The following BEST3 variants were observed in gnomAD, a reference collection of about 807,000 sequenced individuals.
BEST3 encodes bestrophin 3.
In BEST3, 50 loss-of-function variants were observed where a neutral mutation model predicts 47.1. The observed-to-expected ratio is 1.06, with a 90% confidence interval of 0.85 to 1.34. The LOEUF (loss-of-function observed/expected upper bound fraction) is 1.34, where lower values mean the gene tolerates loss of function less well. Among genes scored for constraint, BEST3 ranks in the 40% most tolerant of loss-of-function variants. BEST3 has a pLI of 0.00. For missense variants in BEST3, 765 were observed against 817.0 expected, an observed-to-expected ratio of 0.94 and a Z score of 0.78; for synonymous variants, 282 against 298.8, an observed-to-expected ratio of 0.94 and a Z score of 0.58.
chr12:69,663,057 T>C (rs1883965663), intron 9 of BEST3, among the ~76,000 whole-genome samples: 1 of 152,234 alleles, frequency 6.6e-6, no homozygotes, highest in African/African-American at 2.4e-5. Context: ...CTGTTGGGTG[T>C]TTTGATTTTC....
At chr12:69,693,238 T>C (rs1439030603) in intron 4 of BEST3, among the ~76,000 whole-genome samples, 5 of 143,986 alleles carry the variant, frequency 3.5e-5, no homozygotes, top group Non-Finnish European at 7.5e-5. Flanking sequence ...TCTTTCTCTC[T>C]CTCTCTCTTT....
rs372482477 is a variant in BEST3, at chr12:69,686,185, G to GAAAAAAA, written c.482-7299_482-7293dup. Among the ~76,000 whole-genome samples the GAAAAAAA allele has an allele frequency of 5.1e-5, 6 of 117,794 alleles. 1 individual carries two copies. The highest frequency in any genetic ancestry group is 6.2e-5 in the African/African-American group (2 of 32,062). The allele number at this position is 117,794 out of a possible 152,430, so 77.3% of individuals were successfully genotyped here. A position where few individuals can be genotyped will look rare whatever the true frequency, so the allele number is the denominator to read the frequency against. The stretch of plus-strand genomic sequence containing the variant: ...ACCCCAGAGCTGTGTAATGGATCAG[G>GAAAAAAA]AAAAAAAAAAAAACAAACAGCCCAC... On this transcript the variant is annotated intron_variant, in intron 4 of 9. Coordinates refer to ENST00000330891, the MANE Select transcript of BEST3 (RefSeq NM_032735.3).
chr12:69,656,457 C>T (rs1335311642), intron 9 of BEST3, among the ~76,000 whole-genome samples: 1 of 151,592 alleles, frequency 6.6e-6, no homozygotes, highest in East Asian at 1.9e-4. Context: ...CCAAGTTTCC[C>T]AAGGACCCAT....
In BEST3 at chr12:69,676,910, G is replaced by A. The variant is rs768866074; in HGVS notation, c.867+6C>T. 3.1e-6 allele frequency: 5 copies of A among 1,612,926 alleles called. No homozygotes were observed. In the African/African-American group the frequency reaches 5.3e-5, roughly 17 times the overall value. On this transcript the variant is annotated splice_donor_region_variant and intron_variant, in intron 7 of 9. Transcript: ENST00000330891. Reference sequence around the variant, plus strand: ...TACAAAGTGGGGCCCTGAGACCACTGGCTACCTTAAGCCATCCTGCATAGA... The same window carrying A: ...TACAAAGTGGGGCCCTGAGACCACTAGCTACCTTAAGCCATCCTGCATAGA...
chr12:69,653,535 A>T, downstream of BEST3: 1 of 707,512 alleles, frequency 1.4e-6, no homozygotes, highest in Non-Finnish European at 1.7e-6. Context: ...TCTCGTCTTT[A>T]AAATGGAAAT....
At chr12:69,660,049 G>A (rs763111975) in intron 9 of BEST3, 4 of 152,164 alleles carry the variant, frequency 2.6e-5, no homozygotes, top group Non-Finnish European at 5.9e-5. Flanking sequence ...AGAGCTTGCA[G>A]AGCCAGGATT....
At chr12:69,674,922 A>AGTT (rs1285144464) in intron 7 of BEST3, among the ~76,000 whole-genome samples, 9 of 118,542 alleles carry the variant, frequency 7.6e-5, no homozygotes, top group Non-Finnish European at 1.2e-4. Context: ...TTGGAGACAG[A>AGTT]GTTTCGCTCT....
At chr12:69,676,611 A>G (rs373910158) in intron 7 of BEST3, among the ~76,000 whole-genome samples, 2 of 152,166 alleles carry the variant, frequency 1.3e-5, no homozygotes, top group Non-Finnish European at 2.9e-5. Flanking sequence ...TACAATATCA[A>G]TGCAAGTACA....
At chr12:69,670,267 C>A (rs1256082258) in intron 9 of BEST3, 3 of 582,990 alleles carry the variant, frequency 5.1e-6, no homozygotes, top group South Asian at 2.1e-5. Flanking sequence ...GGGATGAGCT[C>A]TCTGGCCTGG....
chr12:69,644,485 T>C lies in BEST3; in HGVS notation c.1101-698A>G, dbSNP rs186418453. Among the ~76,000 whole-genome samples, 116 of 152,288 alleles carry C rather than the reference T, an allele frequency of 7.6e-4. 1 individual carries two copies. In the East Asian group the frequency reaches 0.021, roughly 27 times the overall value. ...TTTTAGTGAGAGTTGTTTTAATAAG[T>C]TTTTGTATTAATTTTTTGGCACAGG... is the stretch of plus-strand genomic sequence containing the variant. On this transcript the variant is annotated intron_variant, in intron 9 of 9. Coordinates refer to the BEST3 transcript ENST00000331471.
At chr12:69,684,562 C>A in intron 4 of BEST3, 1 of 680,480 alleles carries the variant, frequency 1.5e-6, no homozygotes, top group Non-Finnish European at 2.8e-6. Flanking sequence ...ACTAAAAGCT[C>A]TGCATCTCAA....
chr12:69,674,656 G>A (rs1884790120), intron 7 of BEST3, among the ~76,000 whole-genome samples: 1 of 152,132 alleles, frequency 6.6e-6, no homozygotes, highest in African/African-American at 2.4e-5. Flanking sequence ...AGTCCTGCAT[G>A]TATTATCGTA....
chr12:69,666,031 T>C (rs1884192603), intron 9 of BEST3, among the ~76,000 whole-genome samples: 1 of 152,152 alleles, frequency 6.6e-6, no homozygotes, highest in Non-Finnish European at 1.5e-5. Flanking sequence ...AACTTCTTTT[T>C]TTTTCTGAGA....
At chr12:69,697,911 T>C in intron 1 of BEST3, 98 bp from the exon 2 acceptor site, 2 of 883,438 alleles carry the variant, frequency 2.3e-6, no homozygotes, top group South Asian at 1.9e-5. Context: ...AGCCAGCAAC[T>C]AGTCAGCCAT....
intron 4 of BEST3, among the ~76,000 whole-genome samples, chr12:69,679,911 A>ATGTG (rs1885141058): frequency 1.2e-5 from 1 of 85,022 alleles, no homozygotes; most frequent in South Asian, 5.6e-4. Context: ...GTGTGTATGC[A>ATGTG]TGCGTGTGTG....
chr12:69,671,582 A>G lies in BEST3; in HGVS notation c.949-3T>C. 6.2e-7 allele frequency: 1 copy of G among 1,612,470 alleles called. No individual in the cohort carries two copies. The highest frequency in any genetic ancestry group is 8.5e-7 in the Non-Finnish European group (1 of 1,178,950). ...TCGTCCACAGCTAAAAGAGAGACCT[A>G]AAATCATTGTTATATTGTTAGAATA... On this transcript the variant is annotated splice_polypyrimidine_tract_variant and splice_region_variant and intron_variant, in intron 8 of 9. Transcript: ENST00000330891.
chr12:69,673,033 G>T, intron 7 of BEST3, 68 bp from the exon 8 acceptor site: 1 of 1,242,722 alleles, frequency 8.0e-7, no homozygotes, highest in South Asian at 1.3e-5. Flanking sequence ...GACTGAAGAT[G>T]ATTCCTGTTT....
chr12:69,694,832 T>G (rs1443470683), intron 2 of BEST3, among the ~76,000 whole-genome samples: 4 of 152,210 alleles, frequency 2.6e-5, no homozygotes, highest in African/African-American at 9.6e-5. Flanking sequence ...TATTATTGAT[T>G]AAGTATGAAT....
At position 69,655,126 on chromosome 12, in the gene BEST3, C is replaced by T. The variant is rs763103248; in HGVS notation, c.1788G>A (p.Leu596=). The change falls in exon 10 of 10, where the codon CTG becomes CTA. Residue 596 remains leucine, a synonymous_variant. Coordinates refer to ENST00000330891, the MANE Select transcript of BEST3 (RefSeq NM_032735.3). ...FLKRWSLPGF[L]GSSHTSLGNL... ...TTCCCAGGGAAGTGTGGCTGGACCC[C>T]AGGAATCCCGGAAGACTCCACCTTT... 1.9e-6 allele frequency: 3 copies of T among 1,614,132 alleles called. No homozygotes were observed. Among genetic ancestry groups the T allele is most frequent in the Middle Eastern group, 1.7e-4 (1 of 6,050 alleles).
Sources: gnomAD v4.1 joint callset for allele counts (sites outside exome capture counted in the v4.1 genomes callset) on GRCh38, gnomAD v4.1.1 for gene constraint, MANE v1.5 for transcripts, NCBI Gene and HGNC (gene_info 2026-07-23, HGNC 2026-07-21) for gene names.